SLC7A1: variants seen among roughly 807,000 people sequenced by gnomAD.
SLC7A1 encodes high affinity cationic amino acid transporter 1.
SLC7A1 carries 10 observed loss-of-function variants against 53.9 expected under a neutral mutation model. That is an observed-to-expected ratio of 0.19 (90% confidence interval 0.11 to 0.31). The LOEUF is 0.31. Among genes scored for constraint, SLC7A1 ranks in the 10% least tolerant of loss-of-function variants. The pLI, the probability that SLC7A1 is intolerant of heterozygous loss-of-function variation, is 1.00. For missense variants in SLC7A1, 525 were observed against 827.2 expected, an observed-to-expected ratio of 0.63 and a Z score of 4.48; for synonymous variants, 342 against 338.7, an observed-to-expected ratio of 1.01 and a Z score of -0.11.
intron 1 of SLC7A1, among the ~76,000 whole-genome samples, chr13:29,592,337 C>A (rs1337476372): frequency 1.3e-5 from 2 of 152,218 alleles, no homozygotes; most frequent in East Asian, 3.8e-4. Context: ...ACAGACCAGC[C>A]AGAATCTGGT....
At chr13:29,542,228 G>A (rs927837050) in intron 2 of SLC7A1, among the ~76,000 whole-genome samples, 3 of 152,190 alleles carry the variant, frequency 2.0e-5, no homozygotes, top group Admixed American at 2.0e-4. Context: ...GCCGAGGTGG[G>A]TGGATCACCT....
intron 4 of SLC7A1, 136 bp downstream of exon 4, chr13:29,532,688 T>A: frequency 1.4e-6 from 1 of 712,034 alleles, no homozygotes; most frequent in Non-Finnish European, 2.3e-6. Flanking sequence ...GATGCCTGCA[T>A]GCAGTACAAA....
chr13:29,580,781 C>T (rs536696068), intron 1 of SLC7A1, among the ~76,000 whole-genome samples: 1 of 133,522 alleles, frequency 7.5e-6, no homozygotes, highest in Admixed American at 7.5e-5. Context: ...AAGCTACCCT[C>T]TACATTCCTG....
At chr13:29,588,750 T>C (rs1871990122) in intron 1 of SLC7A1, among the ~76,000 whole-genome samples, 1 of 152,108 alleles carries the variant, frequency 6.6e-6, no homozygotes, top group Non-Finnish European at 1.5e-5. Context: ...AGTGATCTGT[T>C]TGCCTCAGCC....
chr13:29,561,553 T>C (rs1022855919), intron 1 of SLC7A1, among the ~76,000 whole-genome samples: 9 of 152,230 alleles, frequency 5.9e-5, no homozygotes, highest in African/African-American at 9.6e-5. Context: ...ATTAGTTTAA[T>C]TTATCCTTTG....
chr13:29,570,222 A>G (rs1245885824), intron 1 of SLC7A1, among the ~76,000 whole-genome samples: 1 of 152,186 alleles, frequency 6.6e-6, no homozygotes, highest in Non-Finnish European at 1.5e-5. Context: ...CGAACTCAGC[A>G]TGGAGGAGGA....
intron 2 of SLC7A1, among the ~76,000 whole-genome samples, chr13:29,551,142 G>A (rs1189849545): frequency 6.6e-6 from 1 of 152,184 alleles, no homozygotes; most frequent in African/African-American, 2.4e-5. Context: ...GAGCTATAAA[G>A]ATGAGACCAC....
intron 1 of SLC7A1, among the ~76,000 whole-genome samples, chr13:29,554,521 G>A (rs973757193): frequency 1.3e-5 from 2 of 152,128 alleles, no homozygotes; most frequent in African/African-American, 2.4e-5. Flanking sequence ...TGGTATGAAC[G>A]CAGCCTGAGG....
chr13:29,528,841 C>G (rs139818510), intron 5 of SLC7A1, among the ~76,000 whole-genome samples: 2 of 152,070 alleles, frequency 1.3e-5, no homozygotes, highest in African/African-American at 4.8e-5. Flanking sequence ...GTCTGGGGGC[C>G]GGTACAGCTA....
At chr13:29,566,785 TA>T (rs532495328) in intron 1 of SLC7A1, among the ~76,000 whole-genome samples, 1 of 152,150 alleles carries the variant, frequency 6.6e-6, no homozygotes, top group Non-Finnish European at 1.5e-5. Flanking sequence ...CTATTTTTTG[TA>T]AAAAAAGTCA....
intron 1 of SLC7A1, among the ~76,000 whole-genome samples, chr13:29,563,329 C>T (rs1052523012): frequency 1.3e-5 from 2 of 152,172 alleles, no homozygotes; most frequent in African/African-American, 4.8e-5. Context: ...CCGTGTGCAA[C>T]GGTGGACGGC....
At chr13:29,534,514 C>G (rs530046386) in intron 3 of SLC7A1, among the ~76,000 whole-genome samples, 1 of 152,336 alleles carries the variant, frequency 6.6e-6, no homozygotes, top group South Asian at 2.1e-4. Context: ...GAAGACTAAG[C>G]TATGTTGGCT....
At chr13:29,582,987 C>T (rs1418294174) in intron 1 of SLC7A1, among the ~76,000 whole-genome samples, 2 of 152,224 alleles carry the variant, frequency 1.3e-5, no homozygotes, top group East Asian at 1.9e-4. Context: ...ATGTACACAA[C>T]TACAATGGAA....
intron 9 of SLC7A1, among the ~76,000 whole-genome samples, chr13:29,519,089 G>A (rs1868503891): frequency 6.6e-6 from 1 of 152,080 alleles, no homozygotes; most frequent in South Asian, 2.1e-4. Flanking sequence ...CTCCTACCAG[G>A]GCAGCCCTCA....
At chr13:29,531,820 C>T (rs536478543) in intron 4 of SLC7A1, among the ~76,000 whole-genome samples, 104 of 152,178 alleles carry the variant, frequency 6.8e-4, no homozygotes, top group African/African-American at 2.4e-3. Context: ...GGTGACAGAA[C>T]AAGACTCTGT....
At chr13:29,515,205 C>A (rs1883519020) in intron 12 of SLC7A1, among the ~76,000 whole-genome samples, 1 of 152,222 alleles carries the variant, frequency 6.6e-6, no homozygotes, top group African/African-American at 2.4e-5. Flanking sequence ...GACTCAGCCA[C>A]CCACAGCCCA....
At chr13:29,515,446 C>T (rs1883524988) in intron 12 of SLC7A1, among the ~76,000 whole-genome samples, 1 of 152,232 alleles carries the variant, frequency 6.6e-6, no homozygotes, top group Non-Finnish European at 1.5e-5. Context: ...GAAAAGCACC[C>T]CTCGAGGGCC....
intron 5 of SLC7A1, 139 bp from the exon 6 acceptor site, chr13:29,524,392 G>T (rs760326697): frequency 1.9e-6 from 2 of 1,056,234 alleles, no homozygotes; most frequent in South Asian, 3.2e-5. Context: ...GGCTTCAGAC[G>T]CTGAGTCCAG....
intron 1 of SLC7A1, among the ~76,000 whole-genome samples, chr13:29,562,550 G>A (rs1870806280): frequency 6.6e-6 from 1 of 152,170 alleles, no homozygotes; most frequent in East Asian, 1.9e-4. Context: ...AATCCGAAAT[G>A]CTCCTGGTTC....
Sources: gnomAD v4.1 joint callset for allele counts (sites outside exome capture counted in the v4.1 genomes callset) on GRCh38, gnomAD v4.1.1 for gene constraint, MANE v1.5 for transcripts, NCBI Gene and HGNC (gene_info 2026-07-23, HGNC 2026-07-21) for gene names.